TCF7: variants seen among roughly 807,000 people sequenced by gnomAD.
TCF7 encodes T-cell-factor-7.
In TCF7, 19 loss-of-function variants were observed where a neutral mutation model predicts 46.8. That is an observed-to-expected ratio of 0.41 (90% CI 0.28 to 0.60). The LOEUF is 0.60. TCF7 is among the 20% of genes least tolerant of loss of function. The pLI, the probability that TCF7 is intolerant of heterozygous loss-of-function variation, is 0.35. For synonymous variants in TCF7, 245 were observed against 213.4 expected, an observed-to-expected ratio of 1.15 and a Z score of -1.29; for missense variants, 547 against 504.6, an observed-to-expected ratio of 1.08 and a Z score of -0.81.
chr5:134,116,164 A>G, intron 3 of TCF7, 131 bp downstream of exon 3: 1 of 1,430,784 alleles, frequency 7.0e-7, no homozygotes, highest in Non-Finnish European at 9.2e-7. Flanking sequence ...TCTCCCATAC[A>G]CACCCGGTGG....
At chr5:134,109,811 A>C (rs1035113515), upstream of TCF7, among the ~76,000 whole-genome samples, 19 of 150,404 alleles carry the variant, frequency 1.3e-4, no homozygotes, top group Non-Finnish European at 2.8e-4. Context: ...AGGCATCTGC[A>C]GCTTCCAGGT....
chr5:134,143,184 G>A (rs1463640709), intron 8 of TCF7, 84 bp downstream of exon 8: 56 of 1,409,496 alleles, frequency 4.0e-5, no homozygotes, highest in African/African-American at 5.7e-5. Flanking sequence ...AGTAAGGAAC[G>A]CAGAACTACT....
intron 3 of TCF7, among the ~76,000 whole-genome samples, chr5:134,134,504 T>C (rs1362411275): frequency 1.3e-5 from 2 of 152,210 alleles, no homozygotes; most frequent in South Asian, 2.1e-4. Context: ...CGAGGCCTGG[T>C]CAGGGCTGAT....
chr5:134,146,291 G>T lies in TCF7; in HGVS notation c.1143G>T (p.Met381Ile). ...CTGCCCCAGCCCCGTTCCTTCCGAT[G>T]ACAGTGCTCTAGGCTGCCCCGGGTC... ...KAAAPAPFLP[M>I]TVL Residue 381 changes from methionine to isoleucine, a missense_variant, in exon 10 of 10, where the codon ATG (methionine) becomes ATT (isoleucine). By Grantham distance (10) the Met-to-Ile change is conservative. This residue lies in a region of TCF7 where 90 missense variants were observed against 88.8 expected (regional missense o/e 1.01). Transcript: ENST00000342854. 1 of 1,614,170 alleles carries T rather than the reference G, an allele frequency of 6.2e-7. No homozygotes were observed. The highest frequency in any genetic ancestry group is 8.5e-7 in the Non-Finnish European group (1 of 1,180,026).
chr5:134,132,523 T>C (rs1286134926), intron 3 of TCF7, among the ~76,000 whole-genome samples: 2 of 152,188 alleles, frequency 1.3e-5, no homozygotes, highest in African/African-American at 4.8e-5. Flanking sequence ...CCCACAGGCT[T>C]GAGGCCAGAG....
chr5:134,142,857 G>A lies in TCF7; in HGVS notation c.892G>A (p.Ala298Thr), dbSNP rs1317666210. Residue 298 changes from alanine to threonine, a missense_variant, in exon 7 of 10, where the codon GCC becomes ACC. Ala to Thr is a moderately conservative substitution (Grantham distance 58). Around this residue, in one of 3 missense-constraint regions of TCF7, gnomAD observed 32 missense variants for 65.9 expected, o/e 0.49. Transcript: ENST00000342854. ...IAECTLKESA[A>T]INQILGRRWH... ...AGAGTGCACACTTAAGGAGAGCGCTGCCATCAACCAGATCCTGGGCCGCAG... is the reference window on the plus strand; with the variant it reads ...AGAGTGCACACTTAAGGAGAGCGCTACCATCAACCAGATCCTGGGCCGCAG... The A allele has an allele frequency of 1.2e-6, 2 of 1,613,974 alleles. No homozygotes were observed. Among genetic ancestry groups the A allele is most frequent in the African/African-American group, 1.3e-5 (1 of 74,926 alleles).
chr5:134,117,109 A>G (rs904721833), intron 3 of TCF7, among the ~76,000 whole-genome samples: 1 of 152,288 alleles, frequency 6.6e-6, no homozygotes, highest in African/African-American at 2.4e-5. Flanking sequence ...CCTAGGCTGG[A>G]AAGCCTATTC....
chr5:134,141,203 G>T, intron 5 of TCF7: 1 of 161,296 alleles, frequency 6.2e-6, no homozygotes. Context: ...GGACTCTCCT[G>T]GGCATCCCCT....
chr5:134,113,933 C>G (rs1056209294), upstream of TCF7, among the ~76,000 whole-genome samples: 6 of 152,196 alleles, frequency 3.9e-5, no homozygotes, highest in African/African-American at 1.4e-4. Context: ...TTCCGAGTCT[C>G]CGGGCTGCAG....
intron 3 of TCF7, among the ~76,000 whole-genome samples, chr5:134,132,650 C>T (rs970430313): frequency 3.3e-5 from 5 of 151,796 alleles, no homozygotes; most frequent in African/African-American, 1.2e-4. Flanking sequence ...GGGCTGTCAG[C>T]GTGCACACAG....
At chr5:134,140,053 GCCTACAGCAGATTTTA>G (rs2149344415) in intron 5 of TCF7, among the ~76,000 whole-genome samples, 1 of 152,310 alleles carries the variant, frequency 6.6e-6, no homozygotes, top group Admixed American at 6.5e-5. Flanking sequence ...AGAGAGTTGA[GCCTACAGCAGATTTTA>G]CCCACCAAGG....
chr5:134,119,694 A>C lies in TCF7; in HGVS notation c.441+3661A>C, dbSNP rs1580801522. Among the ~76,000 whole-genome samples, 5 of 152,264 alleles carry C rather than the reference A, an allele frequency of 3.3e-5. No homozygotes were observed. In the South Asian group the frequency reaches 1.0e-3, roughly 32 times the overall value. On this transcript the variant is annotated intron_variant, in intron 3 of 9. Transcript: ENST00000342854. ...ATGTTGGGGCTCCCGGCAGGTCCAGAGCGTGCCTGGGGGAGCAGGAGGTGA... is the reference window on the plus strand; with the variant it reads ...ATGTTGGGGCTCCCGGCAGGTCCAGCGCGTGCCTGGGGGAGCAGGAGGTGA...
intron 5 of TCF7, chr5:134,140,987 T>TCGTTTGTCCA (rs1759663515): frequency 3.1e-6 from 1 of 324,070 alleles, no homozygotes; most frequent in South Asian, 2.3e-5. Flanking sequence ...CCTGTGTTAG[T>TCGTTTGTCCA]CGTTTGTCCA....
At chr5:134,116,710 TTGA>T (rs541835061) in intron 3 of TCF7, among the ~76,000 whole-genome samples, 69 of 152,368 alleles carry the variant, frequency 4.5e-4, no homozygotes, top group Middle Eastern at 3.4e-3. Flanking sequence ...TCCCAGTGCT[TTGA>T]AAAGATTTCA....
intron 9 of TCF7, chr5:134,145,007 C>T: frequency 1.3e-6 from 1 of 750,106 alleles, no homozygotes; most frequent in East Asian, 2.7e-5. Context: ...GCCCAGGCCT[C>T]CTGAGAATAG....
chr5:134,117,043 G>A (rs1472226956), intron 3 of TCF7, among the ~76,000 whole-genome samples: 2 of 152,266 alleles, frequency 1.3e-5, no homozygotes, highest in African/African-American at 4.8e-5. Flanking sequence ...GGTTCTGAGA[G>A]CTGCTGCATG....
At chr5:134,144,636 G>C (rs1266245790) in intron 9 of TCF7, 2 of 613,532 alleles carry the variant, frequency 3.3e-6, no homozygotes, top group Non-Finnish European at 5.9e-6. Flanking sequence ...GGCTCCCACT[G>C]GGGCTGGCTG....
chr5:134,113,177 G>A (rs1755375161), upstream of TCF7, among the ~76,000 whole-genome samples: 1 of 152,228 alleles, frequency 6.6e-6, no homozygotes, highest in South Asian at 2.1e-4. Context: ...AGCCCACCCT[G>A]GGAAGAGGCT....
At chr5:134,124,425 C>A (rs934184616) in intron 3 of TCF7, among the ~76,000 whole-genome samples, 1 of 152,184 alleles carries the variant, frequency 6.6e-6, no homozygotes. Context: ...CTCCTCTTGC[C>A]CAGTTCCCCA....
Sources: gnomAD v4.1 joint callset for allele counts (sites outside exome capture counted in the v4.1 genomes callset) on GRCh38, gnomAD v4.1.1 for gene constraint, gnomAD v4.1.1 regional missense constraint, MANE v1.5 for transcripts, NCBI Gene and HGNC (gene_info 2026-07-23, HGNC 2026-07-21) for gene names.